LYZL1: variants seen among roughly 807,000 people sequenced by gnomAD.
LYZL1 encodes the protein lysozyme like 1.
A neutral mutation model predicts 17.9 loss-of-function variants in LYZL1; 16 were observed. The observed-to-expected ratio is 0.90, with a 90% CI of 0.61 to 1.36. LYZL1 has a LOEUF of 1.36. Among genes scored for constraint, LYZL1 ranks in the 40% most tolerant of loss-of-function variants. The pLI, the probability that LYZL1 is intolerant of heterozygous loss-of-function variation, is 0.00. For synonymous variants in LYZL1, 58 were observed against 71.8 expected (o/e 0.81, Z 0.97); for missense variants, 149 against 188.4 (o/e 0.79, Z 1.22).
chr10:29,301,135 C>G (rs565789761), intron 3 of LYZL1, among the ~76,000 whole-genome samples: 1 of 151,974 alleles, frequency 6.6e-6, no homozygotes, highest in Non-Finnish European at 1.5e-5. Context: ...CAGTTCTTTC[C>G]GGCACTGTTC....
chr10:29,311,294 A>G, downstream of LYZL1: 1 of 1,311,870 alleles, frequency 7.6e-7, no homozygotes, highest in South Asian at 1.6e-5. Context: ...CACCTCCACA[A>G]TGCTCTAGCC....
chr10:29,303,068 G>A (rs117478844), intron 3 of LYZL1, among the ~76,000 whole-genome samples: 178 of 152,228 alleles, frequency 1.2e-3, no homozygotes, highest in Non-Finnish European at 1.9e-3. Flanking sequence ...TTCCAGCCCC[G>A]CGAGGTCTGT....
At chr10:29,293,134 C>CTTTTTTTTTTT (rs11453474) in intron 3 of LYZL1, among the ~76,000 whole-genome samples, 2 of 121,048 alleles carry the variant, frequency 1.7e-5, no homozygotes, top group African/African-American at 3.1e-5. Context: ...TTTCTTTTTT[C>CTTTTTTTTTTT]TTTTTTTTTT....
downstream of LYZL1, among the ~76,000 whole-genome samples, chr10:29,312,733 C>T (rs1306195723): frequency 2.0e-5 from 3 of 152,108 alleles, no homozygotes; most frequent in Non-Finnish European, 2.9e-5. Flanking sequence ...GCTCCCATGG[C>T]GGGGTGGTTC....
intron 3 of LYZL1, among the ~76,000 whole-genome samples, chr10:29,300,394 T>A (rs758531618): frequency 1.3e-5 from 2 of 152,218 alleles, no homozygotes; most frequent in Non-Finnish European, 2.9e-5. Context: ...ATATAACATA[T>A]GAGTTTCTTA....
chr10:29,316,717 T>C (rs1269314160), intron 3 of LYZL1, among the ~76,000 whole-genome samples: 2 of 136,010 alleles, frequency 1.5e-5, no homozygotes, highest in Admixed American at 7.9e-5. Flanking sequence ...CTTTTTTTTT[T>C]TCTTTTTTTT....
chr10:29,306,549 CAAAAAAAAAAAA>C lies in LYZL1; in HGVS notation c.299-3546_299-3535del, dbSNP rs58001118. Reference sequence around the variant, plus strand: ...TGGGCGACAGAGCGAGACTCCGTCTCAAAAAAAAAAAAAAAAAAAAAAAAAAGAAAAAATAAG... The same window carrying C: ...TGGGCGACAGAGCGAGACTCCGTCTCAAAAAAAAAAAAAAGAAAAAATAAG... On this transcript the variant is annotated intron_variant, in intron 3 of 4. Coordinates refer to ENST00000649382, the MANE Select transcript of LYZL1 (RefSeq NM_032517.6). 3.4e-3 allele frequency among the ~76,000 whole-genome samples: 168 copies of C among 48,808 alleles called. 3 individuals are homozygous for C. The highest frequency in any genetic ancestry group is 0.019 in the Middle Eastern group (1 of 52). The allele number at this position is 48,808 out of a possible 152,430, so 32.0% of individuals were successfully genotyped here. A position where few individuals can be genotyped will look rare whatever the true frequency, so the allele number is the denominator to read the frequency against.
At chr10:29,293,580 G>T (rs1373305337) in intron 3 of LYZL1, among the ~76,000 whole-genome samples, 2 of 152,140 alleles carry the variant, frequency 1.3e-5, no homozygotes, top group Non-Finnish European at 2.9e-5. Flanking sequence ...ACTTTCATGT[G>T]ACATGACAAG....
intron 3 of LYZL1, among the ~76,000 whole-genome samples, chr10:29,297,908 T>G (rs546140091): frequency 1.2e-4 from 18 of 152,194 alleles, no homozygotes; most frequent in African/African-American, 3.6e-4. Context: ...ACCACAACAC[T>G]GGAAGCTAGA....
chr10:29,315,515 A>C (rs889219449), downstream of LYZL1, among the ~76,000 whole-genome samples: 20 of 151,870 alleles, frequency 1.3e-4, no homozygotes, highest in Admixed American at 3.9e-4. Flanking sequence ...CATCTCAAAA[A>C]TAAATAAAAA....
In LYZL1 at chr10:29,292,685, T is replaced by C. The variant is rs1245618529; in HGVS notation, c.298+8T>C. The C allele has an allele frequency of 5.6e-6, 9 of 1,609,640 alleles. No individual in the cohort carries two copies. The highest frequency in any genetic ancestry group is 1.3e-5 in the African/African-American group (1 of 74,818). On this transcript the variant is annotated splice_region_variant and intron_variant, in intron 3 of 4. Coordinates refer to ENST00000649382, the MANE Select transcript of LYZL1 (RefSeq NM_032517.6). Reference sequence around the variant, plus strand: ...GCCATGTCGCCTGCTCAGGTGAGGCTCTGACTTTCCAGTGATGCCATCCTC... The same window carrying C: ...GCCATGTCGCCTGCTCAGGTGAGGCCCTGACTTTCCAGTGATGCCATCCTC...
chr10:29,305,986 A>G (rs1205399842), intron 3 of LYZL1, among the ~76,000 whole-genome samples: 1 of 152,220 alleles, frequency 6.6e-6, no homozygotes, highest in African/African-American at 2.4e-5. Flanking sequence ...CATTTTTTAC[A>G]ATTATTTTTT....
chr10:29,292,480 C>A (rs752270939), intron 2 of LYZL1, 39 bp from the exon 3 acceptor site: 8 of 1,605,042 alleles, frequency 5.0e-6, no homozygotes, highest in Non-Finnish European at 6.8e-6. Context: ...GCAAAAGATG[C>A]ACTTCCTTTG....
chr10:29,311,547 C>T (rs143657911), downstream of LYZL1, among the ~76,000 whole-genome samples: 10 of 152,258 alleles, frequency 6.6e-5, no homozygotes, highest in East Asian at 1.9e-4. Context: ...TCTATCTACA[C>T]GCACGCAAGA....
At chr10:29,293,278 C>T (rs1245552140) in intron 3 of LYZL1, among the ~76,000 whole-genome samples, 4 of 151,750 alleles carry the variant, frequency 2.6e-5, no homozygotes, top group South Asian at 2.1e-4. Context: ...GGCACACGCC[C>T]GGCTATTTTG....
chr10:29,303,108 G>T (rs1038352431), intron 3 of LYZL1, among the ~76,000 whole-genome samples: 1 of 152,136 alleles, frequency 6.6e-6, no homozygotes, highest in Non-Finnish European at 1.5e-5. Flanking sequence ...GTAGTTCTCT[G>T]CCTAGCCCTG....
Position 29,311,029 on chromosome 10 carries a change from C to A in LYZL1, c.417C>A (p.Ser139=). The A allele has an allele frequency of 6.2e-7, 1 of 1,614,110 alleles. No homozygotes were observed. ...AACATTGTGAGGGCAGAGACCTGTC[C>A]GAGTGGAAAAAAGGCTGTGAGGTTT... ...WKKHCEGRDL[S]EWKKGCEVS The change falls in exon 5 of 5, where the codon TCC becomes TCA. Residue 139 remains serine, a synonymous_variant. Transcript: ENST00000649382.
At chr10:29,314,860 C>T (rs1334308685), downstream of LYZL1, among the ~76,000 whole-genome samples, 1 of 152,172 alleles carries the variant, frequency 6.6e-6, no homozygotes, top group Non-Finnish European at 1.5e-5. Context: ...AGCGCAATGG[C>T]AGAGAATCCA....
chr10:29,318,162 T>C, exon 5 of LYZL1: 2 of 985,396 alleles, frequency 2.0e-6, no homozygotes, highest in Non-Finnish European at 2.4e-6. Flanking sequence ...TCCCTGCTGC[T>C]AAGAATTCCA....
Sources: allele counts gnomAD v4.1 joint callset (sites outside exome capture counted in the v4.1 genomes callset), GRCh38; gene constraint gnomAD v4.1.1; transcripts MANE v1.5; gene names NCBI Gene and HGNC (gene_info 2026-07-23, HGNC 2026-07-21).